The following CLCNKA variants were observed in gnomAD, a reference collection of about 807,000 sequenced individuals.
CLCNKA encodes chloride voltage-gated channel Ka.
CLCNKA carries 66 observed loss-of-function variants against 83.3 expected under a neutral mutation model. That is an observed-to-expected ratio of 0.79 (90% CI 0.65 to 0.97). The LOEUF (loss-of-function observed/expected upper bound fraction) is 0.97, where lower values mean the gene tolerates loss of function less well. CLCNKA is among the 50% of genes least tolerant of loss of function. The pLI is 0.00. For missense variants in CLCNKA, 806 were observed against 888.7 expected (o/e 0.91, Z 1.18); for synonymous variants, 357 against 370.4 (o/e 0.96, Z 0.42).
intron 11 of CLCNKA, 89 bp downstream of exon 11, chr1:16,028,934 C>A: frequency 3.3e-6 from 5 of 1,532,996 alleles, no homozygotes; most frequent in Non-Finnish European, 4.5e-6. Flanking sequence ...CTCAGCACCC[C>A]ACCAGGGTGA....
At chr1:16,031,139 C>T (rs1296701492) in intron 15 of CLCNKA, among the ~76,000 whole-genome samples, 1 of 152,158 alleles carries the variant, frequency 6.6e-6, no homozygotes, top group Non-Finnish European at 1.5e-5. Context: ...CAGCTTCTGG[C>T]GCCAGAAAAG....
rs1163153095 is a variant in CLCNKA, at chr1:16,030,370, C to T, written c.1409-91C>T. 6.7e-6 allele frequency: 10 copies of T among 1,500,258 alleles called. No individual in the cohort carries two copies. In the South Asian group the frequency reaches 1.0e-4, roughly 16 times the overall value. 92.9% of individuals were successfully genotyped at this position (1,500,258 alleles called of 1,614,324 possible). On this transcript the variant is annotated intron_variant, in intron 14 of 19. Transcript: ENST00000331433. ...TGGCCTCTTACAATTCCCACCCTAG[C>T]CCCCGGCAGCAGCCAGGCTAGTTAT... is the stretch of plus-strand genomic sequence containing the variant.
chr1:16,031,847 C>T lies in CLCNKA; in HGVS notation c.1756+4C>T, dbSNP rs771132796. 7 of 1,613,726 alleles carry T rather than the reference C, an allele frequency of 4.3e-6. No individual in the cohort carries two copies. The Admixed American group carries it at 8.3e-5, about 19-fold the overall frequency. ...TATCCCCTGGTGGAGAGCACAGGTG[C>T]CCAGCTGGAAGGGAGGAGGAAGTCG... On this transcript the variant is annotated splice_donor_region_variant and intron_variant, in intron 16 of 19. Coordinates refer to ENST00000331433, the MANE Select transcript of CLCNKA (RefSeq NM_004070.4).
At position 16,030,629 on chromosome 1, in the gene CLCNKA, T is replaced by C; in HGVS notation, c.1577T>C (p.Val526Ala). 1 of 1,613,082 alleles carries C rather than the reference T, an allele frequency of 6.2e-7. No homozygotes were observed. The highest frequency in any genetic ancestry group is 1.7e-5 in the Admixed American group (1 of 60,026). Reference sequence around the variant, plus strand: ...TCCTTCTATGATGGCACCATCATTGTCAAGAAGCTGCCATACCTGCCACGG... The same window carrying C: ...TCCTTCTATGATGGCACCATCATTGCCAAGAAGCTGCCATACCTGCCACGG... ...QPSFYDGTII[V>A]KKLPYLPRIL... Residue 526 changes from valine to alanine, a missense_variant, in exon 15 of 20, where the codon GTC becomes GCC. Coordinates refer to ENST00000331433, the MANE Select transcript of CLCNKA (RefSeq NM_004070.4).
intron 14 of CLCNKA, 81 bp from the exon 15 acceptor site, chr1:16,030,380 C>T: frequency 6.5e-7 from 1 of 1,542,828 alleles, no homozygotes; most frequent in South Asian, 1.1e-5. Flanking sequence ...CCCCCGGCAG[C>T]AGCCAGGCTA....
At chr1:16,033,319 G>C (rs2022712955) in intron 19 of CLCNKA, 63 bp downstream of exon 19, 23 of 1,533,506 alleles carry the variant, frequency 1.5e-5, no homozygotes, top group African/African-American at 2.7e-5. Flanking sequence ...TGGGGAGATG[G>C]GGAGGTGGGG....
At chr1:16,028,976 C>G (rs80256433) in intron 11 of CLCNKA, 131 bp downstream of exon 11, 48,787 of 1,500,004 alleles carry the variant, frequency 0.033, 987 homozygotes, top group Non-Finnish European at 0.04. Flanking sequence ...ATAAGGAGAC[C>G]ATGGCTCTGG....
chr1:16,032,759 G>A lies in CLCNKA; in HGVS notation c.1929+233G>A, dbSNP rs67833669. Reference sequence around the variant, plus strand: ...GGGCTTGGCAAATGGAAGTCTCTGGGTGGAGAAAGACAGTGGAGTTGCACC... The same window carrying A: ...GGGCTTGGCAAATGGAAGTCTCTGGATGGAGAAAGACAGTGGAGTTGCACC... On this transcript the variant is annotated intron_variant, in intron 18 of 19. Coordinates refer to ENST00000331433, the MANE Select transcript of CLCNKA (RefSeq NM_004070.4). Among the ~76,000 whole-genome samples, 7,397 of 152,354 alleles carry A rather than the reference G, an allele frequency of 0.049. 273 individuals are homozygous for A. The highest frequency in any genetic ancestry group is 0.078 in the Non-Finnish European group (5,317 of 68,030).
chr1:16,032,291 G>C lies in CLCNKA; in HGVS notation c.1845G>C (p.Gln615His), dbSNP rs1570313052. Residue 615 changes from glutamine (Q) to histidine (H), a missense_variant and splice_region_variant, in exon 17 of 20, where the codon CAG becomes CAC. Physicochemically the swap from Gln to His is conservative, Grantham distance 24. Coordinates refer to ENST00000331433, the MANE Select transcript of CLCNKA (RefSeq NM_004070.4). ...CTCCTTCCAGGGCTCCAGGACACCA[G>C]GTGGTTACTCCTGAGGGGCGTGGGG... ...AEPPSRAPGH[Q>H]QCLQDILARG... The C allele has an allele frequency of 6.2e-7, 1 of 1,609,474 alleles. No homozygotes were observed. The highest frequency in any genetic ancestry group is 1.7e-5 in the Admixed American group (1 of 59,948).
intron 10 of CLCNKA, among the ~76,000 whole-genome samples, chr1:16,028,350 G>A (rs145299699): frequency 1.4e-4 from 20 of 142,926 alleles, no homozygotes; most frequent in Admixed American, 2.2e-4. Context: ...ATCTCTCAGC[G>A]AAACCCCACC....
intron 10 of CLCNKA, 197 bp from the exon 11 acceptor site, chr1:16,028,564 T>G (rs752927545): frequency 5.6e-6 from 4 of 720,070 alleles, no homozygotes; most frequent in Admixed American, 2.0e-5. Context: ...CATACCCAGT[T>G]GAGGGGCTCA....
Position 16,029,673 on chromosome 1 carries a change from T to C in CLCNKA, c.1228-58T>C, listed in dbSNP as rs1312266253. The C allele has an allele frequency of 4.0e-5, 64 of 1,600,672 alleles. No individual in the cohort carries two copies. In the African/African-American group the frequency reaches 7.2e-4, roughly 18 times the overall value. ...CCCCTGTCCCCTGTCCTGTCTTCTC[T>C]TGTCCACACCTTGCCCAGCGGCCTC... On this transcript the variant is annotated intron_variant, in intron 12 of 19. Coordinates refer to ENST00000331433, the MANE Select transcript of CLCNKA (RefSeq NM_004070.4).
intron 2 of CLCNKA, among the ~76,000 whole-genome samples, chr1:16,023,160 C>A (rs555985137): frequency 3.9e-4 from 60 of 152,334 alleles, no homozygotes; most frequent in African/African-American, 1.4e-3. Flanking sequence ...GTAGGGACCA[C>A]AGAAGGAGAC....
rs749350975 is a variant in CLCNKA, at chr1:16,030,040, C to A, written c.1373C>A (p.Thr458Asn). The A allele has an allele frequency of 2.5e-4, 408 of 1,609,406 alleles. No individual in the cohort carries two copies. The highest frequency in any genetic ancestry group is 3.2e-5 in the Non-Finnish European group (38 of 1,176,256). Reference sequence around the variant, plus strand: ...GAGGGCATTGTGACTGGAGGGGTTACCAATCCCATCATGCCCGGGGGGTAT... The same window carrying A: ...GAGGGCATTGTGACTGGAGGGGTTAACAATCCCATCATGCCCGGGGGGTAT... Reference protein sequence around the residue: ...FPEGIVTGGVTNPIMPGGYAL... With the variant: ...FPEGIVTGGVNNPIMPGGYAL... The change falls in exon 14 of 20, where the codon ACC (threonine) becomes AAC (asparagine). Residue 458 changes from threonine (T) to asparagine (N), a missense_variant. Transcript: ENST00000331433.
chr1:16,032,967 T>C (rs1328792758), intron 18 of CLCNKA, among the ~76,000 whole-genome samples: 2 of 152,118 alleles, frequency 1.3e-5, no homozygotes, highest in Non-Finnish European at 2.9e-5. Flanking sequence ...TTGGGTCCTG[T>C]CCACTTGCAG....
intron 19 of CLCNKA, 74 bp downstream of exon 19, chr1:16,033,330 G>A: frequency 6.6e-7 from 1 of 1,504,782 alleles, no homozygotes; most frequent in Non-Finnish European, 9.2e-7. Context: ...GGAGGTGGGG[G>A]GACACCAGCA....
rs767077927 is a variant in CLCNKA at position 16,030,496 on chromosome 1, A to G, written c.1444A>G (p.Ile482Val). 1 of 1,612,902 alleles carries G rather than the reference A, an allele frequency of 6.2e-7. No homozygotes were observed. Residue 482 changes from isoleucine to valine, a missense_variant, in exon 15 of 20, where the codon ATC becomes GTC. Ile to Val is a conservative substitution (Grantham distance 29, BLOSUM62 3). Coordinates refer to ENST00000331433, the MANE Select transcript of CLCNKA (RefSeq NM_004070.4). The stretch of plus-strand genomic sequence containing the variant: ...CTTCTCAGGGGCTGTGACCCACACC[A>G]TCTCCACGGCGCTGCTGGCCTTTGA... ...AAFSGAVTHTISTALLAFELT... is the reference protein window; with the variant it reads ...AAFSGAVTHTVSTALLAFELT...
rs764012045 is a variant in CLCNKA at position 16,024,854 on chromosome 1, C to T, written c.321C>T (p.Ser107=). 21 of 1,614,046 alleles carry T rather than the reference C, an allele frequency of 1.3e-5. No individual in the cohort carries two copies. Among genetic ancestry groups the T allele is most frequent in the Non-Finnish European group, 1.8e-5 (21 of 1,180,050 alleles). Residue 107 remains serine, a synonymous_variant, in exon 4 of 20, where the codon TCC becomes TCT. Coordinates refer to ENST00000331433, the MANE Select transcript of CLCNKA (RefSeq NM_004070.4). The stretch of plus-strand genomic sequence containing the variant: ...ACCCTGTGGCCCTCGTCTCTTTCTC[C>T]TCAGGCTTCTCCCAGAGCATCACGC... ...TVYPVALVSF[S]SGFSQSITPS... is the part of the protein sequence containing the mutation.
chr1:16,031,370 A>G (rs1320104250), intron 15 of CLCNKA, among the ~76,000 whole-genome samples: 3 of 152,274 alleles, frequency 2.0e-5, no homozygotes, highest in African/African-American at 7.2e-5. Flanking sequence ...CTCATTATTC[A>G]TTAATGGATG....
Sources: allele counts gnomAD v4.1 joint callset (sites outside exome capture counted in the v4.1 genomes callset), GRCh38; gene constraint gnomAD v4.1.1; transcripts MANE v1.5; gene names NCBI Gene and HGNC (gene_info 2026-07-23, HGNC 2026-07-21).